The following MKLN1 variants were observed in gnomAD, a reference collection of about 807,000 sequenced individuals.
The protein encoded by MKLN1 is muskelin 1, also known as muskelin.
Under a neutral mutation model 99.0 loss-of-function variants are expected in MKLN1, and 18 were observed. The ratio of observed to expected loss-of-function variants is 0.18; its 90% CI spans 0.13 to 0.27. The LOEUF is 0.27. Among genes scored for constraint, MKLN1 ranks in the 10% least tolerant of loss-of-function variants. The pLI is 1.00. For synonymous variants in MKLN1, 288 were observed against 293.2 expected (o/e 0.98, Z 0.18); for missense variants, 621 against 875.9 (o/e 0.71, Z 3.67).
intron 10 of MKLN1, among the ~76,000 whole-genome samples, chr7:131,439,114 C>G (rs775364517): frequency 6.6e-6 from 1 of 152,136 alleles, no homozygotes; most frequent in Non-Finnish European, 1.5e-5. Context: ...CTCCACAGAG[C>G]TATGCACATC....
intron 3 of MKLN1, among the ~76,000 whole-genome samples, chr7:131,245,187 A>T (rs1797467145): frequency 6.6e-6 from 1 of 152,162 alleles, no homozygotes; most frequent in South Asian, 2.1e-4. Context: ...AAATGGTGAT[A>T]CAGTCAAGTG....
intron 3 of MKLN1, among the ~76,000 whole-genome samples, chr7:131,257,218 G>A (rs936854234): frequency 6.6e-6 from 1 of 152,110 alleles, no homozygotes; most frequent in Non-Finnish European, 1.5e-5. Flanking sequence ...ACTTATTCTA[G>A]ATTATAGAAC....
intron 1 of MKLN1, among the ~76,000 whole-genome samples, chr7:131,330,483 C>T (rs755269914): frequency 5.3e-5 from 8 of 152,150 alleles, no homozygotes; most frequent in Non-Finnish European, 7.3e-5. Context: ...GAGGAATCTC[C>T]GTTTGCCAGA....
chr7:131,303,191 G>C (rs944827506), intron 3 of MKLN1, among the ~76,000 whole-genome samples: 11 of 152,210 alleles, frequency 7.2e-5, no homozygotes, highest in African/African-American at 2.7e-4. Context: ...ACCAAGGAAG[G>C]GATGAAGTGG....
At chr7:131,127,488 G>A (rs925540800) in intron 1 of MKLN1, among the ~76,000 whole-genome samples, 6 of 152,160 alleles carry the variant, frequency 3.9e-5, no homozygotes, top group Non-Finnish European at 5.9e-5. Flanking sequence ...GCCCATTGCC[G>A]GCCCACAGAA....
chr7:131,353,693 C>T (rs1799785198), intron 1 of MKLN1, among the ~76,000 whole-genome samples: 1 of 151,718 alleles, frequency 6.6e-6, no homozygotes, highest in South Asian at 2.1e-4. Context: ...CTTGCCTAGT[C>T]CTAGACCGTG....
At chr7:131,185,439 T>C (rs1462344809) in intron 2 of MKLN1, among the ~76,000 whole-genome samples, 1 of 131,442 alleles carries the variant, frequency 7.6e-6, no homozygotes, top group African/African-American at 2.8e-5. Context: ...AAAAAAAAAT[T>C]AGCCAGACAC....
intron 3 of MKLN1, among the ~76,000 whole-genome samples, chr7:131,313,009 T>C (rs1411530596): frequency 2.0e-5 from 3 of 152,274 alleles, no homozygotes; most frequent in East Asian, 1.9e-4. Context: ...CATAAGCTCA[T>C]AGACAAATTA....
intron 11 of MKLN1, 70 bp from the exon 12 acceptor site, chr7:131,445,704 A>T: frequency 7.4e-7 from 1 of 1,346,634 alleles, no homozygotes; most frequent in Non-Finnish European, 1.0e-6. Context: ...TTAAGTTTTT[A>T]AAGGATCATT....
intron 2 of MKLN1, among the ~76,000 whole-genome samples, chr7:131,194,215 A>G (rs986833725): frequency 5.9e-5 from 9 of 151,906 alleles, no homozygotes; most frequent in Non-Finnish European, 8.8e-5. Context: ...TACAACCACC[A>G]CTTGCATCTA....
chr7:131,114,202 C>T (rs1257478098), intron 1 of MKLN1, among the ~76,000 whole-genome samples: 1 of 152,176 alleles, frequency 6.6e-6, no homozygotes, highest in Non-Finnish European at 1.5e-5. Flanking sequence ...CTTCCATTTT[C>T]ATAAGCCATA....
chr7:131,297,432 T>TACAC (rs1157072719), intron 3 of MKLN1, among the ~76,000 whole-genome samples: 3 of 150,234 alleles, frequency 2.0e-5, no homozygotes, highest in Admixed American at 6.6e-5. Flanking sequence ...TGTGTGTACA[T>TACAC]ACACACACAC....
intron 2 of MKLN1, among the ~76,000 whole-genome samples, chr7:131,186,115 C>A (rs962979394): frequency 6.6e-6 from 1 of 152,078 alleles, no homozygotes; most frequent in Non-Finnish European, 1.5e-5. Context: ...TCCTTGCACC[C>A]GGAAGGTGGA....
intron 3 of MKLN1, among the ~76,000 whole-genome samples, chr7:131,268,074 A>G (rs1380986474): frequency 6.6e-6 from 1 of 152,230 alleles, no homozygotes; most frequent in African/African-American, 2.4e-5. Context: ...AATAAATCAC[A>G]TAGGCTGGGT....
intron 3 of MKLN1, among the ~76,000 whole-genome samples, chr7:131,209,069 G>A (rs896481917): frequency 1.3e-5 from 2 of 152,156 alleles, no homozygotes; most frequent in African/African-American, 4.8e-5. Flanking sequence ...AGCACTCTAC[G>A]TGGAGAGAAC....
intron 2 of MKLN1, among the ~76,000 whole-genome samples, chr7:131,386,502 CAT>C (rs1794031552): frequency 6.6e-6 from 1 of 152,160 alleles, no homozygotes; most frequent in Non-Finnish European, 1.5e-5. Flanking sequence ...GCTTTTCCAA[CAT>C]GTGTTCAAGG....
intron 6 of MKLN1, among the ~76,000 whole-genome samples, chr7:131,408,654 G>T (rs770354500): frequency 6.6e-6 from 1 of 152,014 alleles, no homozygotes; most frequent in Non-Finnish European, 1.5e-5. Flanking sequence ...GTGCAGGCAG[G>T]ATTTCTGTGT....
intron 3 of MKLN1, among the ~76,000 whole-genome samples, chr7:131,227,483 C>CTCTCTCTT (rs1797168858): frequency 2.2e-5 from 2 of 89,228 alleles, no homozygotes; most frequent in Non-Finnish European, 4.7e-5. Flanking sequence ...TTCTCTCTTT[C>CTCTCTCTT]TCTCTTTCTT....
At chr7:131,373,416 T>A (rs547578632) in intron 1 of MKLN1, among the ~76,000 whole-genome samples, 16 of 152,252 alleles carry the variant, frequency 1.1e-4, no homozygotes, top group African/African-American at 3.4e-4. Context: ...GTTGGCTGTT[T>A]GCCTGTTAAT....
Sources: gnomAD v4.1 joint callset for allele counts (sites outside exome capture counted in the v4.1 genomes callset) on GRCh38, gnomAD v4.1.1 for gene constraint, MANE v1.5 for transcripts, NCBI Gene and HGNC (gene_info 2026-07-23, HGNC 2026-07-21) for gene names.